LRCH1: variants seen among roughly 807,000 people sequenced by gnomAD.
LRCH1 encodes the protein leucine-rich repeat and calponin homology domain-containing protein 1.
A neutral mutation model predicts 94.9 loss-of-function variants in LRCH1; 23 were observed. The observed-to-expected ratio is 0.24, with a 90% confidence interval of 0.17 to 0.34. LRCH1 has a LOEUF of 0.34. Ranked by LOEUF, LRCH1 falls within the 10% of genes least tolerant of loss-of-function variation. The pLI, the probability that LRCH1 is intolerant of heterozygous loss-of-function variation, is 1.00. For synonymous variants in LRCH1, 364 were observed against 354.9 expected (o/e 1.03, Z -0.29); for missense variants, 790 against 945.9 (o/e 0.84, Z 2.16).
intron 4 of LRCH1, among the ~76,000 whole-genome samples, chr13:46,683,192 C>T (rs1265045659): frequency 2.0e-5 from 3 of 152,202 alleles, no homozygotes; most frequent in African/African-American, 7.2e-5. Flanking sequence ...TTTAATTATC[C>T]TGTCTCTGCA....
At chr13:46,727,403 A>T (rs1472792571) in intron 17 of LRCH1, among the ~76,000 whole-genome samples, 2 of 152,242 alleles carry the variant, frequency 1.3e-5, no homozygotes, top group African/African-American at 4.8e-5. Flanking sequence ...GAGTGTAACA[A>T]ATGATCCAAC....
chr13:46,676,471 A>G (rs1221936298), intron 3 of LRCH1, among the ~76,000 whole-genome samples: 1 of 152,218 alleles, frequency 6.6e-6, no homozygotes, highest in East Asian at 1.9e-4. Flanking sequence ...AGACACAGAA[A>G]GGGTAAGACA....
chr13:46,746,279 C>T (rs1873905675), downstream of LRCH1, among the ~76,000 whole-genome samples: 1 of 152,156 alleles, frequency 6.6e-6, no homozygotes, highest in Non-Finnish European at 1.5e-5. Flanking sequence ...CAATACAAAC[C>T]TGTAGTGTTG....
At position 46,553,481 on chromosome 13, in the gene LRCH1, C is replaced by G; in HGVS notation, c.85C>G (p.His29Asp). The G allele has an allele frequency of 6.5e-7, 1 of 1,548,150 alleles. No homozygotes were observed. The change falls in exon 1 of 20, where the codon CAC becomes GAC. Residue 29 changes from histidine to aspartate, a missense_variant. Around this residue, in one of 3 missense-constraint regions of LRCH1, gnomAD observed 136 missense variants for 143.5 expected, o/e 0.95. Coordinates refer to ENST00000389797, the MANE Select transcript of LRCH1 (RefSeq NM_001164211.2). Reference sequence around the variant, plus strand: ...GCACCCACTTCATCATCCCCACCACCACCACCACCACCATCAGCACCACGG... The same window carrying G: ...GCACCCACTTCATCATCCCCACCACGACCACCACCACCATCAGCACCACGG... The part of the protein sequence containing the change: ...TLHPLHHPHH[H>D]HHHHQHHGGT...
At chr13:46,604,813 A>G (rs901332443) in intron 1 of LRCH1, among the ~76,000 whole-genome samples, 1 of 152,236 alleles carries the variant, frequency 6.6e-6, no homozygotes, top group Non-Finnish European at 1.5e-5. Flanking sequence ...CCTTATCATA[A>G]GGAACAGACC....
intron 6 of LRCH1, among the ~76,000 whole-genome samples, chr13:46,688,814 G>A (rs1870751249): frequency 6.6e-6 from 1 of 152,180 alleles, no homozygotes; most frequent in African/African-American, 2.4e-5. Flanking sequence ...GCTAGATGCA[G>A]TAAAATAAGA....
At chr13:46,557,012 G>T (rs551844158) in intron 1 of LRCH1, among the ~76,000 whole-genome samples, 43 of 152,262 alleles carry the variant, frequency 2.8e-4, no homozygotes, top group African/African-American at 9.9e-4. Flanking sequence ...AGGATAGATG[G>T]AATATCTTTG....
intron 1 of LRCH1, among the ~76,000 whole-genome samples, chr13:46,625,744 C>G (rs2050940684): frequency 6.6e-6 from 1 of 150,552 alleles, no homozygotes; most frequent in Non-Finnish European, 1.5e-5. Context: ...ACCTCTGCCT[C>G]CTGGGCTCAG....
chr13:46,719,413 C>T (rs1057295071), intron 16 of LRCH1, among the ~76,000 whole-genome samples: 3 of 152,044 alleles, frequency 2.0e-5, no homozygotes, highest in African/African-American at 7.2e-5. Context: ...CATAATGGAG[C>T]GAAATATCAC....
chr13:46,573,928 T>C (rs1159320377), intron 1 of LRCH1, among the ~76,000 whole-genome samples: 1 of 144,390 alleles, frequency 6.9e-6, no homozygotes, highest in Non-Finnish European at 1.5e-5. Flanking sequence ...AGTGGCATGA[T>C]CTCAGCTCAC....
intron 8 of LRCH1, among the ~76,000 whole-genome samples, chr13:46,694,318 C>T (rs954215699): frequency 2.0e-4 from 31 of 152,174 alleles, no homozygotes; most frequent in African/African-American, 7.0e-4. Context: ...TCCCCTGGAA[C>T]ACATTCTAGG....
At chr13:46,654,764 A>G (rs1472697087) in intron 2 of LRCH1, among the ~76,000 whole-genome samples, 1 of 152,260 alleles carries the variant, frequency 6.6e-6, no homozygotes, top group Non-Finnish European at 1.5e-5. Context: ...ATAGGCAAGT[A>G]TATCTGATTT....
rs201775213 is a variant in LRCH1 at position 46,562,165 on chromosome 13, G to A, written c.307+8462G>A. 2.0e-5 allele frequency among the ~76,000 whole-genome samples: 3 copies of A among 152,196 alleles called. No homozygotes were observed. The East Asian group carries it at 5.8e-4, about 29-fold the overall frequency. ...TACCCTGAAGTTATCCCCTACTTGT[G>A]CATAGTTTGCTGATCTGCTCAGATT... On this transcript the variant is annotated intron_variant, in intron 1 of 19. Coordinates refer to ENST00000389797, the MANE Select transcript of LRCH1 (RefSeq NM_001164211.2).
chr13:46,619,733 G>A (rs1207504968), intron 1 of LRCH1, among the ~76,000 whole-genome samples: 1 of 152,222 alleles, frequency 6.6e-6, no homozygotes, highest in South Asian at 2.1e-4. Flanking sequence ...GACCACTACT[G>A]TTGTTTTTGC....
intron 1 of LRCH1, among the ~76,000 whole-genome samples, chr13:46,623,689 C>G (rs1453782681): frequency 1.3e-4 from 12 of 91,734 alleles, no homozygotes; most frequent in African/African-American, 5.6e-4. Context: ...TGTACCCTGT[C>G]TCTGTTTTTT....
intron 17 of LRCH1, among the ~76,000 whole-genome samples, chr13:46,723,871 TA>T (rs1488556445): frequency 6.6e-6 from 1 of 152,070 alleles, no homozygotes; most frequent in Non-Finnish European, 1.5e-5. Context: ...TAGTAGTAAA[TA>T]AAAAATAATA....
At position 46,740,414 on chromosome 13, in the gene LRCH1, G is replaced by A. The variant is rs1213151455; in HGVS notation, c.2086-1228G>A. On this transcript the variant is annotated intron_variant, in intron 19 of 19. Coordinates refer to ENST00000389797, the MANE Select transcript of LRCH1 (RefSeq NM_001164211.2). ...AATCTTATTCAACCAACCTAATTTT[G>A]TAGTATTCCTACTTAACTGAGGGTA... Among the ~76,000 whole-genome samples the A allele has an allele frequency of 4.6e-5, 7 of 152,142 alleles. No homozygotes were observed. The South Asian group carries it at 1.2e-3, about 27-fold the overall frequency.
rs777786439 is a variant in LRCH1, at chr13:46,686,071, C to G, written c.822+30C>G. ...GGGGTCTTGCAGCAAAGCCAATGCC[C>G]CATGGGATGTGCTGTTATAGGAGCC... On this transcript the variant is annotated intron_variant, in intron 5 of 19. Coordinates refer to ENST00000389797, the MANE Select transcript of LRCH1 (RefSeq NM_001164211.2). 56 of 1,487,578 alleles carry G rather than the reference C, an allele frequency of 3.8e-5. No individual in the cohort carries two copies. In the Middle Eastern group the frequency reaches 1.1e-3, roughly 28 times the overall value. 92.1% of individuals were successfully genotyped at this position (1,487,578 alleles called of 1,614,324 possible).
chr13:46,750,464 C>A, intron 18 of LRCH1: 3 of 1,051,232 alleles, frequency 2.9e-6, no homozygotes, highest in Non-Finnish European at 4.3e-6. Flanking sequence ...ACTTTGATGT[C>A]ATCAACGATG....
Sources: gnomAD v4.1 joint callset for allele counts (sites outside exome capture counted in the v4.1 genomes callset) on GRCh38, gnomAD v4.1.1 for gene constraint, gnomAD v4.1.1 regional missense constraint, MANE v1.5 for transcripts, NCBI Gene and HGNC (gene_info 2026-07-23, HGNC 2026-07-21) for gene names.